The following ZNG1A variants were observed in gnomAD, a reference collection of about 807,000 sequenced individuals.
ZNG1A encodes Zn regulated GTPase metalloprotein activator 1A, also known as zinc-regulated GTPase metalloprotein activator 1A.
At chr9:178,563 G>C in the ZNG1A span, among the ~76,000 whole-genome samples, 1 of 100,918 alleles carries the variant, frequency 9.9e-6, no homozygotes, top group Non-Finnish European at 2.5e-5. Context: ...GTGTCTTAGC[G>C]TCAAAGCCTT....
At chr9:152,395 G>C in the ZNG1A span, among the ~76,000 whole-genome samples, 1 of 152,090 alleles carries the variant, frequency 6.6e-6, no homozygotes, top group African/African-American at 2.4e-5. Flanking sequence ...TTCATAAATA[G>C]TCAGTTATCC....
At chr9:127,491 T>C in the ZNG1A span, among the ~76,000 whole-genome samples, 1 of 152,186 alleles carries the variant, frequency 6.6e-6, no homozygotes, top group Non-Finnish European at 1.5e-5. Context: ...AATATAAGAA[T>C]GGCTACTCCT....
At chr9:165,080 T>C in the ZNG1A span, among the ~76,000 whole-genome samples, 8,307 of 152,254 alleles carry the variant, frequency 0.055, 298 homozygotes, top group African/African-American at 0.097. Context: ...AGGAAATTAC[T>C]TTACCATGAC....
the ZNG1A span, chr9:177,736 G>T: frequency 2.6e-6 from 4 of 1,533,926 alleles, no homozygotes; most frequent in Non-Finnish European, 3.5e-6. Flanking sequence ...TGAGCAATAC[G>T]GGAAAGGCCC....
chr9:166,587 G>C, the ZNG1A span: 18 of 152,586 alleles, frequency 1.2e-4, no homozygotes, highest in Non-Finnish European at 7.3e-5. Flanking sequence ...AAAAACTAAA[G>C]AAAATTCTCA....
the ZNG1A span, among the ~76,000 whole-genome samples, chr9:152,361 G>C: frequency 2.0e-5 from 3 of 152,148 alleles, no homozygotes; most frequent in Admixed American, 2.0e-4. Context: ...TTAATAAAAA[G>C]ACACTTCACT....
chr9:128,736 G>C, the ZNG1A span, among the ~76,000 whole-genome samples: 1 of 150,130 alleles, frequency 6.7e-6, no homozygotes, highest in Non-Finnish European at 1.5e-5. Context: ...GATTTTTTGG[G>C]GGGTGTTAAA....
chr9:139,200 C>A, the ZNG1A span, among the ~76,000 whole-genome samples: 1 of 149,982 alleles, frequency 6.7e-6, no homozygotes, highest in African/African-American at 2.5e-5. Context: ...AAAAAGGAAA[C>A]CTTGCCATAT....
the ZNG1A span, among the ~76,000 whole-genome samples, chr9:143,086 T>C: frequency 9.1e-4 from 132 of 144,710 alleles, 1 homozygote; most frequent in African/African-American, 3.2e-3. Context: ...CAGGACCAGA[T>C]AGATTCACAG....
At chr9:125,241 T>A in the ZNG1A span, among the ~76,000 whole-genome samples, 1 of 151,278 alleles carries the variant, frequency 6.6e-6, no homozygotes, top group Non-Finnish European at 1.5e-5. Context: ...TTTTTTATTA[T>A]GGCCATTCTT....
chr9:143,640 A>C, the ZNG1A span, among the ~76,000 whole-genome samples: 1 of 126,698 alleles, frequency 7.9e-6, no homozygotes, highest in Non-Finnish European at 1.6e-5. Flanking sequence ...GGCACAAGAC[A>C]GGGATGCCCT....
the ZNG1A span, among the ~76,000 whole-genome samples, chr9:158,854 G>A: frequency 6.6e-6 from 1 of 152,018 alleles, no homozygotes; most frequent in Non-Finnish European, 1.5e-5. Flanking sequence ...AAAAATAAGT[G>A]CATATTAACA....
At chr9:140,210 G>C in the ZNG1A span, among the ~76,000 whole-genome samples, 5 of 151,798 alleles carry the variant, frequency 3.3e-5, no homozygotes, top group African/African-American at 1.2e-4. Context: ...TCTGGGGGCA[G>C]GGCACAGACA....
the ZNG1A span, among the ~76,000 whole-genome samples, chr9:163,224 T>G: frequency 1.3e-5 from 2 of 152,008 alleles, no homozygotes; most frequent in Admixed American, 6.6e-5. Flanking sequence ...CTAATATATT[T>G]TAAATGAAGG....
the ZNG1A span, chr9:171,964 A>G: frequency 1.3e-6 from 2 of 1,523,486 alleles, no homozygotes; most frequent in Non-Finnish European, 1.8e-6. Flanking sequence ...AACCAAAAAA[A>G]GTTTTTGGTT....
chr9:147,839 C>G, the ZNG1A span: 1 of 145,464 alleles, frequency 6.9e-6, no homozygotes, highest in African/African-American at 2.7e-5. Context: ...ACCAACCGGG[C>G]CAATGTGGCG....
chr9:154,498 C>A, the ZNG1A span: 1 of 579,136 alleles, frequency 1.7e-6, no homozygotes, highest in Non-Finnish European at 3.0e-6. Context: ...AGTCTATTAA[C>A]TGTGAACTAT....
chr9:176,572 C>G, the ZNG1A span, among the ~76,000 whole-genome samples: 1 of 151,920 alleles, frequency 6.6e-6, no homozygotes, highest in African/African-American at 2.4e-5. Context: ...GTATTAATAT[C>G]TTTTAGGTCA....
chr9:171,184 A>G, the ZNG1A span, among the ~76,000 whole-genome samples: 1 of 152,298 alleles, frequency 6.6e-6, no homozygotes, highest in Admixed American at 6.5e-5. Flanking sequence ...TGATGTTATT[A>G]TGTAATTGTT....
Sources: allele counts gnomAD v4.1 joint callset (sites outside exome capture counted in the v4.1 genomes callset), GRCh38; gene constraint gnomAD v4.1.1; transcripts MANE v1.5; gene names NCBI Gene and HGNC (gene_info 2026-07-23, HGNC 2026-07-21).